Variants in NFIB observed in about 807,000 individuals in gnomAD.
NFIB encodes the protein nuclear factor I B, also known as nuclear factor 1 B-type.
In NFIB, 11 loss-of-function variants were observed where a neutral mutation model predicts 61.5. The ratio of observed to expected loss-of-function variants is 0.18; its 90% CI spans 0.11 to 0.30. The LOEUF is 0.30. Ranked by LOEUF, NFIB falls within the 10% of genes least tolerant of loss-of-function variation. NFIB has a pLI of 1.00. For missense variants in NFIB, 471 were observed against 608.9 expected (o/e 0.77, Z 2.38); for synonymous variants, 260 against 216.5 (o/e 1.20, Z -1.76).
chr9:14,289,221 C>T (rs1377841568), intron 2 of NFIB, among the ~76,000 whole-genome samples: 1 of 43,910 alleles, frequency 2.3e-5, no homozygotes, highest in African/African-American at 5.3e-5. Context: ...TTTGGTATAC[C>T]AAATACACAT....
intron 2 of NFIB, among the ~76,000 whole-genome samples, chr9:14,260,092 G>C (rs570535038): frequency 6.6e-6 from 1 of 152,258 alleles, no homozygotes; most frequent in East Asian, 1.9e-4. Flanking sequence ...AGAACTGCTG[G>C]GTCCTGAAAG....
intron 2 of NFIB, among the ~76,000 whole-genome samples, chr9:14,212,286 C>A (rs1400127731): frequency 1.3e-5 from 2 of 152,132 alleles, no homozygotes; most frequent in African/African-American, 4.8e-5. Flanking sequence ...TCACATAAAC[C>A]ACTCACTGAC....
chr9:14,400,765 A>G (rs78034976), upstream of NFIB, among the ~76,000 whole-genome samples: 558 of 152,316 alleles, frequency 3.7e-3, 4 homozygotes, highest in African/African-American at 0.012. Flanking sequence ...ATTGAGAAAA[A>G]GTGGATCAGG....
chr9:14,416,978 C>T, the NFIB span, among the ~76,000 whole-genome samples: 17 of 149,924 alleles, frequency 1.1e-4, no homozygotes, highest in African/African-American at 3.8e-4. Flanking sequence ...CTGCAACCTC[C>T]GCCTCTCGGG....
chr9:14,173,594 G>GA (rs1246934150), intron 3 of NFIB, among the ~76,000 whole-genome samples: 1 of 152,136 alleles, frequency 6.6e-6, no homozygotes. Flanking sequence ...TCTGCTGGCT[G>GA]AAAAATCTAC....
At chr9:14,278,394 A>G (rs1179946469) in intron 2 of NFIB, among the ~76,000 whole-genome samples, 1 of 152,224 alleles carries the variant, frequency 6.6e-6, no homozygotes, top group African/African-American at 2.4e-5. Flanking sequence ...ATTTGTCATA[A>G]CATTCCTAAC....
At chr9:14,334,234 G>C (rs1013358786) in intron 1 of NFIB, among the ~76,000 whole-genome samples, 6 of 152,178 alleles carry the variant, frequency 3.9e-5, no homozygotes, top group Admixed American at 3.9e-4. Context: ...ATAAGCCTAT[G>C]AGTAGAATTT....
At chr9:14,316,811 C>G (rs2060553635), upstream of NFIB, among the ~76,000 whole-genome samples, 1 of 152,158 alleles carries the variant, frequency 6.6e-6, no homozygotes, top group Non-Finnish European at 1.5e-5. Context: ...ATAATACCAG[C>G]TTTAACTACT....
At chr9:14,341,589 G>C (rs576856792) in intron 1 of NFIB, among the ~76,000 whole-genome samples, 1 of 152,256 alleles carries the variant, frequency 6.6e-6, no homozygotes, top group South Asian at 2.1e-4. Flanking sequence ...GGTTGCCAAG[G>C]CTCCGATAAA....
the NFIB span, among the ~76,000 whole-genome samples, chr9:14,491,586 T>TGGCATTGAG: frequency 6.6e-6 from 1 of 152,232 alleles, no homozygotes; most frequent in African/African-American, 2.4e-5. Context: ...CACAGCCTGT[T>TGGCATTGAG]AATTGCATTG....
upstream of NFIB, among the ~76,000 whole-genome samples, chr9:14,316,273 T>G (rs1205186751): frequency 6.6e-6 from 1 of 152,200 alleles, no homozygotes; most frequent in Non-Finnish European, 1.5e-5. Context: ...AGAGCGCTCT[T>G]AATGAGGCGA....
intron 3 of NFIB, among the ~76,000 whole-genome samples, chr9:14,168,649 T>C (rs2045208262): frequency 6.6e-6 from 1 of 152,278 alleles, no homozygotes; most frequent in South Asian, 2.1e-4. Context: ...ACCACAGACC[T>C]GTAATGGATA....
the NFIB span, among the ~76,000 whole-genome samples, chr9:14,458,966 C>T: frequency 2.0e-5 from 3 of 152,090 alleles, no homozygotes; most frequent in African/African-American, 7.2e-5. Flanking sequence ...AGATTCAATG[C>T]CATCCCCATC....
At chr9:14,108,392 T>C (rs475732) in intron 10 of NFIB, among the ~76,000 whole-genome samples, 24,272 of 152,060 alleles carry the variant, frequency 0.16, 2,084 homozygotes, top group South Asian at 0.24. Flanking sequence ...AGATTTAAAC[T>C]AATATCTTAG....
the NFIB span, among the ~76,000 whole-genome samples, chr9:14,411,539 G>C: frequency 1.6e-4 from 24 of 152,270 alleles, no homozygotes; most frequent in African/African-American, 5.8e-4. Flanking sequence ...TCCAAAGAAG[G>C]AAAGAGATCG....
chr9:14,364,631 A>G (rs1017894898), intron 1 of NFIB, among the ~76,000 whole-genome samples: 1 of 152,160 alleles, frequency 6.6e-6, no homozygotes, highest in Non-Finnish European at 1.5e-5. Context: ...CATTTATTGG[A>G]TCAAAATAGT....
the NFIB span, among the ~76,000 whole-genome samples, chr9:14,476,252 T>C: frequency 6.6e-6 from 1 of 151,974 alleles, no homozygotes; most frequent in African/African-American, 2.4e-5. Context: ...TTTTGTTTTT[T>C]TTTTTTTTCA....
At chr9:14,322,296 G>GGT (rs370077006) in intron 1 of NFIB, 52 of 330,748 alleles carry the variant, frequency 1.6e-4, no homozygotes, top group Admixed American at 2.0e-4. Flanking sequence ...CGTCCAGGAT[G>GGT]GTGTGTGTGT....
chr9:14,441,067 T>C, the NFIB span, among the ~76,000 whole-genome samples: 4 of 148,086 alleles, frequency 2.7e-5, no homozygotes, highest in Non-Finnish European at 4.4e-5. Context: ...TATAAAGATA[T>C]CTTGGATAAA....
Sources: gnomAD v4.1 joint callset for allele counts (sites outside exome capture counted in the v4.1 genomes callset) on GRCh38, gnomAD v4.1.1 for gene constraint, MANE v1.5 for transcripts, NCBI Gene and HGNC (gene_info 2026-07-23, HGNC 2026-07-21) for gene names.